Variants in ARHGAP10 observed in about 807,000 individuals in gnomAD.
ARHGAP10 encodes the protein rho GTPase-activating protein 10.
In ARHGAP10, 87 loss-of-function variants were observed where a neutral mutation model predicts 108.6. That is an observed-to-expected ratio of 0.80 (90% CI 0.67 to 0.96). The LOEUF (loss-of-function observed/expected upper bound fraction) is 0.96, where lower values mean the gene tolerates loss of function less well. Ranked by LOEUF, ARHGAP10 falls within the 40% of genes least tolerant of loss-of-function variation. ARHGAP10 has a pLI of 0.00. For missense variants in ARHGAP10, 939 were observed against 954.5 expected (o/e 0.98, Z 0.21); for synonymous variants, 347 against 341.1 (o/e 1.02, Z -0.19).
At chr4:147,920,705 A>G (rs993109271) in intron 13 of ARHGAP10, among the ~76,000 whole-genome samples, 8 of 152,236 alleles carry the variant, frequency 5.3e-5, no homozygotes, top group South Asian at 4.1e-4. Flanking sequence ...AGTGTACCAG[A>G]TGATCAAAAT....
At chr4:147,753,518 G>GTTT (rs11449935) in intron 1 of ARHGAP10, among the ~76,000 whole-genome samples, 2 of 139,122 alleles carry the variant, frequency 1.4e-5, no homozygotes, top group Non-Finnish European at 3.1e-5. Context: ...TAATTTTTTG[G>GTTT]TTTTTTTTTT....
intron 1 of ARHGAP10, among the ~76,000 whole-genome samples, chr4:147,734,177 T>G (rs934743266): frequency 1.3e-5 from 2 of 152,108 alleles, no homozygotes; most frequent in African/African-American, 4.8e-5. Context: ...AGTAGTTCCC[T>G]CTGGAGCTAG....
intron 5 of ARHGAP10, chr4:147,862,963 A>C (rs1734390185): frequency 6.6e-6 from 1 of 152,188 alleles, no homozygotes; most frequent in Admixed American, 6.6e-5. Context: ...GTTAGGTAGA[A>C]ATTCTCATTT....
chr4:147,999,618 C>T (rs916298780), intron 18 of ARHGAP10, among the ~76,000 whole-genome samples: 4 of 152,210 alleles, frequency 2.6e-5, no homozygotes, highest in African/African-American at 9.7e-5. Context: ...GAGCTGAACA[C>T]TAGTCACTGG....
chr4:148,045,066 C>T (rs149335252), intron 19 of ARHGAP10, among the ~76,000 whole-genome samples: 13 of 152,298 alleles, frequency 8.5e-5, no homozygotes, highest in African/African-American at 1.4e-4. Flanking sequence ...CCACCCTCCC[C>T]GGGAACACAC....
At chr4:148,046,506 A>G (rs1172539739) in intron 19 of ARHGAP10, among the ~76,000 whole-genome samples, 2 of 152,220 alleles carry the variant, frequency 1.3e-5, no homozygotes, top group Non-Finnish European at 2.9e-5. Flanking sequence ...TTAAAGAACC[A>G]ATAGGTGACC....
At chr4:147,831,518 G>T (rs1420345215) in intron 3 of ARHGAP10, among the ~76,000 whole-genome samples, 1 of 152,140 alleles carries the variant, frequency 6.6e-6, no homozygotes, top group Non-Finnish European at 1.5e-5. Flanking sequence ...AGTTTATGTG[G>T]ATTTCTGTTG....
At chr4:147,899,450 T>G (rs1736139794) in intron 10 of ARHGAP10, among the ~76,000 whole-genome samples, 1 of 152,106 alleles carries the variant, frequency 6.6e-6, no homozygotes, top group African/African-American at 2.4e-5. Context: ...TTAAATGAGT[T>G]TTTGAAAAAC....
chr4:148,070,121 T>A (rs1332190397), intron 22 of ARHGAP10, among the ~76,000 whole-genome samples: 1 of 152,236 alleles, frequency 6.6e-6, no homozygotes, highest in Non-Finnish European at 1.5e-5. Context: ...TTACATGCTC[T>A]CATAGTCTGG....
At chr4:147,764,787 G>A (rs748492857) in intron 1 of ARHGAP10, among the ~76,000 whole-genome samples, 1 of 152,088 alleles carries the variant, frequency 6.6e-6, no homozygotes, top group Non-Finnish European at 1.5e-5. Flanking sequence ...CACGTGCCTC[G>A]GCCTCCCAAA....
At chr4:147,866,623 A>G in intron 6 of ARHGAP10, 89 bp from the exon 7 acceptor site, 3 of 879,456 alleles carry the variant, frequency 3.4e-6, no homozygotes, top group Non-Finnish European at 5.5e-6. Flanking sequence ...TAACAGTGAG[A>G]TGGCGGGGGG....
intron 1 of ARHGAP10, among the ~76,000 whole-genome samples, chr4:147,768,169 G>A (rs1446859365): frequency 1.3e-5 from 2 of 152,150 alleles, no homozygotes; most frequent in Non-Finnish European, 2.9e-5. Flanking sequence ...TTAGATTTCT[G>A]GTGAAAGTAG....
chr4:147,958,347 C>G (rs760171142), intron 16 of ARHGAP10, among the ~76,000 whole-genome samples: 1 of 152,132 alleles, frequency 6.6e-6, no homozygotes, highest in Non-Finnish European at 1.5e-5. Context: ...GTCAGTTAAA[C>G]CAAAACACTT....
intron 3 of ARHGAP10, among the ~76,000 whole-genome samples, chr4:147,839,803 A>G (rs1232533128): frequency 6.6e-6 from 1 of 152,228 alleles, no homozygotes; most frequent in Non-Finnish European, 1.5e-5. Flanking sequence ...TTAAGATAAC[A>G]TAACTTTCCT....
At chr4:147,909,813 T>G in intron 12 of ARHGAP10, 36 bp downstream of exon 12, 1 of 1,573,872 alleles carries the variant, frequency 6.4e-7, no homozygotes, top group South Asian at 1.1e-5. Flanking sequence ...TGTATCCTCC[T>G]TTTCCATCTA....
chr4:148,029,487 G>T (rs1342876648), intron 19 of ARHGAP10, among the ~76,000 whole-genome samples: 1 of 152,262 alleles, frequency 6.6e-6, no homozygotes, highest in Non-Finnish European at 1.5e-5. Context: ...ATGTGGAGGT[G>T]TGAGAAGGAC....
chr4:147,826,340 G>A (rs1040026514), intron 3 of ARHGAP10, among the ~76,000 whole-genome samples: 1 of 152,218 alleles, frequency 6.6e-6, no homozygotes, highest in African/African-American at 2.4e-5. Flanking sequence ...CTGTGATGGA[G>A]GTTGATAGGG....
intron 4 of ARHGAP10, among the ~76,000 whole-genome samples, chr4:147,850,812 T>G (rs929890072): frequency 2.6e-5 from 4 of 152,214 alleles, no homozygotes; most frequent in Non-Finnish European, 4.4e-5. Context: ...TGAGTTCTTA[T>G]TTTCTTTTGA....
At chr4:147,895,714 T>C (rs1735970320) in intron 10 of ARHGAP10, among the ~76,000 whole-genome samples, 1 of 151,858 alleles carries the variant, frequency 6.6e-6, no homozygotes, top group Non-Finnish European at 1.5e-5. Flanking sequence ...GCTTTATTTC[T>C]TCCTTTCCAA....
Sources: allele counts gnomAD v4.1 joint callset (sites outside exome capture counted in the v4.1 genomes callset), GRCh38; gene constraint gnomAD v4.1.1; transcripts MANE v1.5; gene names NCBI Gene and HGNC (gene_info 2026-07-23, HGNC 2026-07-21).